Variants in FRMPD4 observed in about 807,000 individuals in gnomAD.
FRMPD4 encodes FERM and PDZ domain-containing protein 4.
A neutral mutation model predicts 94.1 loss-of-function variants in FRMPD4; 22 were observed. The observed-to-expected ratio is 0.23, with a 90% CI of 0.17 to 0.33. FRMPD4 has a LOEUF of 0.33. Among genes scored for constraint, FRMPD4 ranks in the 10% least tolerant of loss-of-function variants. FRMPD4 has a pLI of 1.00. For missense variants in FRMPD4, 1,111 were observed against 1,339.9 expected (o/e 0.83, Z 2.67); for synonymous variants, 631 against 548.6 (o/e 1.15, Z -2.10).
chrX:11,951,052 T>G (rs1601853020), intron 3 of FRMPD4, among the ~76,000 whole-genome samples: 1 of 47,481 alleles, frequency 2.1e-5, no homozygotes, highest in East Asian at 8.6e-4. Context: ...AGAGTGAAAC[T>G]CCATCTCAAA....
At chrX:12,207,139 T>C (rs1436343316) in intron 1 of FRMPD4, among the ~76,000 whole-genome samples, 1 of 111,939 alleles carries the variant, frequency 8.9e-6, no homozygotes, top group African/African-American at 3.2e-5. Context: ...AAGCTACATC[T>C]ACATGATAGG....
At chrX:12,274,082 G>A (rs1202533945) in intron 1 of FRMPD4, among the ~76,000 whole-genome samples, 1 of 111,178 alleles carries the variant, frequency 9.0e-6, no homozygotes, top group South Asian at 3.8e-4. Flanking sequence ...AATGTAAAAT[G>A]TGGAGTCAAC....
Position 12,724,332 on chromosome X carries a change from C to T in FRMPD4, c.*2474C>T, listed in dbSNP as rs970808658. 1 of 111,485 alleles carries T rather than the reference C, an allele frequency of 9.0e-6. No individual in the cohort carries two copies. The highest frequency in any genetic ancestry group is 3.8e-4 in the South Asian group (1 of 2,613). The allele number at this position is 111,485 out of a possible 1,213,427, so 9.2% of individuals were successfully genotyped here. On this transcript the variant is annotated 3_prime_UTR_variant, in exon 17 of 17. Coordinates refer to ENST00000675598, the MANE Select transcript of FRMPD4 (RefSeq NM_001368397.1). ...TGCTATTCAGAAAACCTCAAGGGGC[C>T]CCCACATTCACTAAGCATGGGGCTC...
intron 1 of FRMPD4, among the ~76,000 whole-genome samples, chrX:12,313,899 T>TA (rs1456658187): frequency 8.9e-6 from 1 of 112,200 alleles, no homozygotes; most frequent in Non-Finnish European, 1.9e-5. Context: ...CTTCAAGAGT[T>TA]AAAATGTAAC....
At chrX:12,195,007 A>C (rs781528346) in intron 1 of FRMPD4, among the ~76,000 whole-genome samples, 27 of 112,158 alleles carry the variant, frequency 2.4e-4, no homozygotes, top group Non-Finnish European at 4.7e-4. Context: ...TTTAGCTCAA[A>C]CTTTAAAATT....
intron 3 of FRMPD4, among the ~76,000 whole-genome samples, chrX:11,919,243 A>T (rs1482852986): frequency 8.9e-6 from 1 of 112,633 alleles, no homozygotes; most frequent in East Asian, 2.8e-4. Context: ...ACAAAAATAT[A>T]TCTCAGCATT....
chrX:12,305,590 CTT>C (rs1393506300), intron 1 of FRMPD4, among the ~76,000 whole-genome samples: 1 of 104,860 alleles, frequency 9.5e-6, no homozygotes, highest in Non-Finnish European at 1.9e-5. Context: ...CAGAGTCTCA[CTT>C]TGTCACCCAG....
chrX:12,347,649 G>A (rs2055735545), intron 1 of FRMPD4, among the ~76,000 whole-genome samples: 1 of 111,522 alleles, frequency 9.0e-6, no homozygotes, highest in Admixed American at 9.5e-5. Context: ...TTAACAAATA[G>A]TAAATAGTAA....
intron 1 of FRMPD4, among the ~76,000 whole-genome samples, chrX:12,496,602 G>C (rs112559066): frequency 8.9e-6 from 1 of 111,935 alleles, no homozygotes; most frequent in East Asian, 2.8e-4. Context: ...GACCTGTGTC[G>C]TTAACTTTTC....
intron 1 of FRMPD4, among the ~76,000 whole-genome samples, chrX:12,462,786 G>A (rs752832596): frequency 1.9e-4 from 21 of 111,779 alleles, no homozygotes; most frequent in Non-Finnish European, 3.2e-4. Context: ...CCCAGGTGTT[G>A]GAGACCAGCC....
chrX:12,263,594 G>A (rs1569210528), intron 1 of FRMPD4, among the ~76,000 whole-genome samples: 1 of 111,242 alleles, frequency 9.0e-6, no homozygotes, highest in Non-Finnish European at 1.9e-5. Flanking sequence ...GAAACTACTT[G>A]GAAGCTACCA....
chrX:12,374,009 C>G (rs754864556), intron 1 of FRMPD4, among the ~76,000 whole-genome samples: 3 of 112,047 alleles, frequency 2.7e-5, no homozygotes, highest in Admixed American at 9.5e-5. Flanking sequence ...CATCCTAACT[C>G]TGACTTAGCT....
At chrX:12,417,862 T>C (rs1265383470) in intron 1 of FRMPD4, among the ~76,000 whole-genome samples, 5 of 106,574 alleles carry the variant, frequency 4.7e-5, no homozygotes, top group Non-Finnish European at 7.7e-5. Flanking sequence ...GGCGTGGTGG[T>C]GGGCGCCTGT....
chrX:12,657,477 C>T (rs1167689328), intron 4 of FRMPD4, among the ~76,000 whole-genome samples: 2 of 111,834 alleles, frequency 1.8e-5, no homozygotes, highest in Non-Finnish European at 3.8e-5. Context: ...AGTGAGCCCA[C>T]AGTATGGAAG....
chrX:12,690,279 G>A lies in FRMPD4; in HGVS notation c.766G>A (p.Ala256Thr). 8.3e-7 allele frequency: 1 copy of A among 1,208,695 alleles called. No homozygotes were observed. The highest frequency in any genetic ancestry group is 1.1e-6 in the Non-Finnish European group (1 of 892,899). ...CATGCTGGAGCAGAGGACAGAAGGG[G>A]CTGGAACGAAGCTGCTCTTGCTTCA... is the stretch of plus-strand genomic sequence containing the variant. ...SLMLEQRTEGAGTKLLLLHEQ... is the reference protein window; with the variant it reads ...SLMLEQRTEGTGTKLLLLHEQ... Residue 256 changes from alanine to threonine, a missense_variant, in exon 8 of 17, where the codon GCT becomes ACT. Coordinates refer to ENST00000675598, the MANE Select transcript of FRMPD4 (RefSeq NM_001368397.1).
At chrX:12,430,857 C>CAT (rs1277820844) in intron 1 of FRMPD4, among the ~76,000 whole-genome samples, 139 of 112,299 alleles carry the variant, frequency 1.2e-3, no homozygotes, top group African/African-American at 4.4e-3. Context: ...GGTAAAATGA[C>CAT]ATCATTGAAG....
intron 1 of FRMPD4, among the ~76,000 whole-genome samples, chrX:12,209,200 A>C (rs1412104402): frequency 8.9e-6 from 1 of 111,973 alleles, no homozygotes; most frequent in Non-Finnish European, 1.9e-5. Flanking sequence ...AATAGCTACA[A>C]TATAGTACAA....
intron 1 of FRMPD4, among the ~76,000 whole-genome samples, chrX:12,289,611 A>G (rs1040286466): frequency 9.9e-5 from 11 of 111,418 alleles, no homozygotes; most frequent in African/African-American, 3.6e-4. Context: ...TTCAGGGTGT[A>G]CAGAGTACAA....
rs376574061 is a variant in FRMPD4 at position 12,475,496 on chromosome X, G to C, written c.42-23184G>C. Among the ~76,000 whole-genome samples, 3 of 111,440 alleles carry C rather than the reference G, an allele frequency of 2.7e-5. No individual in the cohort carries two copies. In the South Asian group the frequency reaches 1.2e-3, roughly 43 times the overall value. ...GGCAGGAGAAGGAAATAAAGGGTAT[G>C]CAATTAGGAAAAGAGGAAGTCAAAT... On this transcript the variant is annotated intron_variant, in intron 1 of 16. Coordinates refer to ENST00000675598, the MANE Select transcript of FRMPD4 (RefSeq NM_001368397.1).
Sources: allele counts gnomAD v4.1 joint callset (sites outside exome capture counted in the v4.1 genomes callset), GRCh38; gene constraint gnomAD v4.1.1; transcripts MANE v1.5; gene names NCBI Gene and HGNC (gene_info 2026-07-23, HGNC 2026-07-21).